Variants in ADGRA3 observed in about 807,000 individuals in gnomAD.
ADGRA3 encodes G-protein coupled receptor 125.
In ADGRA3, 56 loss-of-function variants were observed where a neutral mutation model predicts 119.8. The observed-to-expected ratio is 0.47, with a 90% CI of 0.38 to 0.58. The LOEUF (loss-of-function observed/expected upper bound fraction) is 0.58. Ranked by LOEUF, ADGRA3 falls within the 20% of genes least tolerant of loss-of-function variation. ADGRA3 has a pLI of 0.00. For synonymous variants in ADGRA3, 607 were observed against 623.8 expected (o/e 0.97, Z 0.40); for missense variants, 1,516 against 1,649.0 (o/e 0.92, Z 1.40).
At chr4:22,409,054 C>T (rs1715076968) in intron 14 of ADGRA3, among the ~76,000 whole-genome samples, 1 of 152,144 alleles carries the variant, frequency 6.6e-6, no homozygotes, top group South Asian at 2.1e-4. Context: ...CCAAACCTAT[C>T]TATAGTGAGA....
rs140699317 is a variant in ADGRA3, at chr4:22,436,596, C to T, written c.1131G>A (p.Thr377=). 32 of 1,613,956 alleles carry T rather than the reference C, an allele frequency of 2.0e-5. No individual in the cohort carries two copies. In the African/African-American group the frequency reaches 2.1e-4, roughly 11 times the overall value. ...LAGITAYLQC[T]RNTHGSGIYP... is the part of the protein sequence containing the mutation. ...ATATCCCACTGCCATGGGTGTTCCG[C>T]GTACACTGCAGATATGCAGTAATGC... is the stretch of plus-strand genomic sequence containing the variant. The change falls in exon 9 of 19, where the codon ACG becomes ACA. Residue 377 remains threonine, a synonymous_variant. Transcript: ENST00000334304.
intron 1 of ADGRA3, among the ~76,000 whole-genome samples, chr4:22,479,029 A>C (rs11730179): frequency 0.62 from 93,800 of 152,036 alleles, 30,079 homozygotes; most frequent in Non-Finnish European, 0.7. Context: ...TTCTCTAAAA[A>C]AAAACTAAGA....
rs1714179654 is a variant in ADGRA3 at position 22,392,606 on chromosome 4, T to G, written c.2566A>C (p.Lys856Gln). 1 of 1,614,058 alleles carries G rather than the reference T, an allele frequency of 6.2e-7. No individual in the cohort carries two copies. The highest frequency in any genetic ancestry group is 8.5e-7 in the Non-Finnish European group (1 of 1,179,928). ...GGATCCTGGCATCTTTTAGCTTTTT[T>G]AGTGACTTGTTTGTAGATATTTCGA... ...TARNIYKQVT[K>Q]KAKRCQDPDE... The change falls in exon 17 of 19, where the codon AAA becomes CAA. Residue 856 changes from lysine (K) to glutamine (Q), a missense_variant. By Grantham distance (53) the Lys-to-Gln change is moderately conservative. Around this residue, in one of 2 missense-constraint regions of ADGRA3, gnomAD observed 1,088 missense variants for 1,107.1 expected, o/e 0.98. Transcript: ENST00000334304.
intron 5 of ADGRA3, among the ~76,000 whole-genome samples, chr4:22,446,371 C>T (rs1716828411): frequency 6.6e-6 from 1 of 152,152 alleles, no homozygotes; most frequent in East Asian, 1.9e-4. Context: ...GTCTCAAAAG[C>T]CAGACTAGCT....
intron 10 of ADGRA3, among the ~76,000 whole-genome samples, chr4:22,434,763 C>A (rs1316722156): frequency 6.6e-6 from 1 of 152,140 alleles, no homozygotes. Flanking sequence ...ACAAGCATAT[C>A]ATGGTTTCAA....
intron 1 of ADGRA3, among the ~76,000 whole-genome samples, chr4:22,502,042 A>T (rs1229694267): frequency 6.6e-6 from 1 of 152,118 alleles, no homozygotes; most frequent in East Asian, 1.9e-4. Flanking sequence ...TTCAGACTGG[A>T]TGACACCTAT....
chr4:22,447,633 C>T (rs1375328955), intron 4 of ADGRA3, 122 bp from the exon 5 acceptor site: 1 of 554,294 alleles, frequency 1.8e-6, no homozygotes, highest in Non-Finnish European at 3.1e-6. Context: ...ATGAAAGTTT[C>T]AATGCTTATA....
At chr4:22,475,279 A>T (rs933752685) in intron 1 of ADGRA3, among the ~76,000 whole-genome samples, 1 of 152,210 alleles carries the variant, frequency 6.6e-6, no homozygotes, top group Admixed American at 6.5e-5. Flanking sequence ...ATACTCAATG[A>T]GTATCCATTA....
At chr4:22,395,158 TACTC>T (rs1409103064) in intron 16 of ADGRA3, among the ~76,000 whole-genome samples, 1 of 152,164 alleles carries the variant, frequency 6.6e-6, no homozygotes, top group Non-Finnish European at 1.5e-5. Flanking sequence ...AGTAGATTAT[TACTC>T]AAGAAAGCCA....
intron 6 of ADGRA3, among the ~76,000 whole-genome samples, chr4:22,444,224 T>C (rs1716740512): frequency 6.6e-6 from 1 of 152,150 alleles, no homozygotes; most frequent in African/African-American, 2.4e-5. Context: ...AAGATTTACA[T>C]ACAAAGCTGA....
intron 16 of ADGRA3, among the ~76,000 whole-genome samples, chr4:22,396,792 G>A (rs981233761): frequency 6.6e-6 from 1 of 151,982 alleles, no homozygotes; most frequent in East Asian, 1.9e-4. Flanking sequence ...AACCTTTAAT[G>A]GCATTTGTTC....
intron 1 of ADGRA3, among the ~76,000 whole-genome samples, chr4:22,490,254 T>A (rs1560343406): frequency 2.2e-5 from 1 of 46,054 alleles, no homozygotes; most frequent in African/African-American, 4.2e-5. Context: ...AATGAAAAAC[T>A]GTTTATTAAA....
intron 1 of ADGRA3, among the ~76,000 whole-genome samples, chr4:22,483,281 C>T (rs1252728299): frequency 6.6e-6 from 1 of 152,110 alleles, no homozygotes; most frequent in Non-Finnish European, 1.5e-5. Flanking sequence ...TCCCAGGAGA[C>T]CCAACAGAAA....
At chr4:22,401,329 T>C in intron 16 of ADGRA3, 102 bp downstream of exon 16, 1 of 1,043,474 alleles carries the variant, frequency 9.6e-7, no homozygotes, top group Non-Finnish European at 1.4e-6. Flanking sequence ...TTTAATCAGT[T>C]AAAGAAAAGG....
intron 1 of ADGRA3, among the ~76,000 whole-genome samples, chr4:22,513,252 T>C (rs1173485021): frequency 6.6e-6 from 1 of 150,736 alleles, no homozygotes; most frequent in East Asian, 2.0e-4. Flanking sequence ...GTTCAAGCAA[T>C]TCTCCTGCCT....
At chr4:22,472,702 G>A (rs1468407332) in intron 2 of ADGRA3, among the ~76,000 whole-genome samples, 1 of 152,146 alleles carries the variant, frequency 6.6e-6, no homozygotes, top group Admixed American at 6.5e-5. Flanking sequence ...TCCTGTGCGA[G>A]TTCAATCACA....
At position 22,401,680 on chromosome 4, in the gene ADGRA3, A is replaced by C. The variant is rs1714656357; in HGVS notation, c.2358-126T>G. ...ATATTTGATATTTAAACATTTAACAAACATATACTACCAGACACACACACA... is the reference window on the plus strand; with the variant it reads ...ATATTTGATATTTAAACATTTAACACACATATACTACCAGACACACACACA... On this transcript the variant is annotated intron_variant, in intron 15 of 18. Transcript: ENST00000334304. 16 of 594,290 alleles carry C rather than the reference A, an allele frequency of 2.7e-5. No homozygotes were observed. In the South Asian group the frequency reaches 3.7e-4, roughly 14 times the overall value. The allele number at this position is 594,290 out of a possible 1,614,324, so 36.8% of individuals were successfully genotyped here. A position where few individuals can be genotyped will look rare whatever the true frequency, so the allele number is the denominator to read the frequency against.
intron 1 of ADGRA3, among the ~76,000 whole-genome samples, chr4:22,507,974 C>T (rs7692390): frequency 0.43 from 65,335 of 152,038 alleles, 15,573 homozygotes; most frequent in East Asian, 0.6. Flanking sequence ...GGTAAACATA[C>T]GAATTTGCAT....
chr4:22,435,254 C>G, intron 10 of ADGRA3, 57 bp downstream of exon 10: 1 of 1,382,702 alleles, frequency 7.2e-7, no homozygotes, highest in African/African-American at 1.4e-5. Flanking sequence ...AGATTGAACT[C>G]TGTCACACTA....
Sources: gnomAD v4.1 joint callset for allele counts (sites outside exome capture counted in the v4.1 genomes callset) on GRCh38, gnomAD v4.1.1 for gene constraint, gnomAD v4.1.1 regional missense constraint, MANE v1.5 for transcripts, NCBI Gene and HGNC (gene_info 2026-07-23, HGNC 2026-07-21) for gene names.